The following ESRRG variants were observed in gnomAD, a reference collection of about 807,000 sequenced individuals.
ESRRG encodes estrogen related receptor gamma, also known as estrogen-related receptor gamma.
A neutral mutation model predicts 44.0 loss-of-function variants in ESRRG; 13 were observed. That is an observed-to-expected ratio of 0.30 (90% CI 0.19 to 0.47). The LOEUF (loss-of-function observed/expected upper bound fraction) is 0.47. Among genes scored for constraint, ESRRG ranks in the 20% least tolerant of loss-of-function variants. The pLI, the probability that ESRRG is intolerant of heterozygous loss-of-function variation, is 1.00. For synonymous variants in ESRRG, 215 were observed against 214.6 expected, an observed-to-expected ratio of 1.00 and a Z score of -0.02; for missense variants, 395 against 580.6, an observed-to-expected ratio of 0.68 and a Z score of 3.29.
At chr1:216,893,657 A>C (rs1179683581) in intron 2 of ESRRG, among the ~76,000 whole-genome samples, 1 of 152,148 alleles carries the variant, frequency 6.6e-6, no homozygotes, top group Admixed American at 6.6e-5. Flanking sequence ...AGAAATGTAT[A>C]AGATGTAAAC....
chr1:216,683,160 T>A (rs1403788740), intron 1 of ESRRG, among the ~76,000 whole-genome samples: 1 of 152,162 alleles, frequency 6.6e-6, no homozygotes, highest in African/African-American at 2.4e-5. Context: ...CTGGCTTAGT[T>A]GGGAAAAGAA....
intron 1 of ESRRG, among the ~76,000 whole-genome samples, chr1:217,023,477 G>A (rs903011617): frequency 4.6e-5 from 7 of 152,170 alleles, no homozygotes; most frequent in African/African-American, 1.7e-4. Flanking sequence ...TCAATGCAGG[G>A]GTAGAGCCTG....
chr1:217,012,373 C>A (rs2078750636), intron 1 of ESRRG, among the ~76,000 whole-genome samples: 1 of 152,108 alleles, frequency 6.6e-6, no homozygotes, highest in Non-Finnish European at 1.5e-5. Flanking sequence ...ATCACAGGGA[C>A]CCCAAACTCT....
intron 2 of ESRRG, among the ~76,000 whole-genome samples, chr1:216,898,318 T>C (rs2058659852): frequency 6.6e-6 from 1 of 152,080 alleles, no homozygotes; most frequent in South Asian, 2.1e-4. Flanking sequence ...CCGAGACTAC[T>C]ATAAGAAGTT....
intron 1 of ESRRG, among the ~76,000 whole-genome samples, chr1:216,991,289 A>G (rs530466670): frequency 1.1e-4 from 16 of 152,176 alleles, no homozygotes; most frequent in Non-Finnish European, 2.1e-4. Flanking sequence ...ATACTGTACC[A>G]TTGAAACCAA....
intron 1 of ESRRG, among the ~76,000 whole-genome samples, chr1:217,127,324 A>G (rs2092905933): frequency 6.6e-6 from 1 of 152,224 alleles, no homozygotes; most frequent in South Asian, 2.1e-4. Flanking sequence ...AGCAGTAACA[A>G]ACGTGATTAA....
In ESRRG at chr1:216,655,620, T is replaced by G. The variant is rs867803268; in HGVS notation, c.473-4531A>C. Among the ~76,000 whole-genome samples, 5 of 152,334 alleles carry G rather than the reference T, an allele frequency of 3.3e-5. 1 individual carries two copies. The highest frequency in any genetic ancestry group is 6.5e-5 in the Admixed American group (1 of 15,298). On this transcript the variant is annotated intron_variant, in intron 2 of 6. Coordinates refer to ENST00000408911, the MANE Select transcript of ESRRG (RefSeq NM_001438.4). ...AGCTGAAGTGTATAGAAATTGTTTC[T>G]GATAAACGGGGTCTCTTTCACAAAT...
At chr1:216,673,139 A>C (rs1559143519) in intron 2 of ESRRG, among the ~76,000 whole-genome samples, 1 of 152,116 alleles carries the variant, frequency 6.6e-6, no homozygotes, top group African/African-American at 2.4e-5. Context: ...GTTTGGCTGC[A>C]ATGCTGTCTG....
chr1:216,746,705 A>C (rs1207717395), intron 2 of ESRRG, among the ~76,000 whole-genome samples: 1 of 152,172 alleles, frequency 6.6e-6, no homozygotes, highest in East Asian at 1.9e-4. Flanking sequence ...TGTTTGATGA[A>C]ATAATAAACA....
At chr1:217,134,095 G>T (rs1389230482) in intron 1 of ESRRG, among the ~76,000 whole-genome samples, 1 of 152,132 alleles carries the variant, frequency 6.6e-6, no homozygotes, top group Admixed American at 6.5e-5. Flanking sequence ...CCAGATGCGG[G>T]CGCCCCGGGT....
chr1:216,674,386 C>T (rs990746898), intron 2 of ESRRG, among the ~76,000 whole-genome samples: 2 of 151,920 alleles, frequency 1.3e-5, no homozygotes, highest in Non-Finnish European at 2.9e-5. Flanking sequence ...AAATAAAAAT[C>T]CAGTAAATGA....
chr1:217,033,925 T>C (rs1270223115), intron 1 of ESRRG, among the ~76,000 whole-genome samples: 1 of 152,198 alleles, frequency 6.6e-6, no homozygotes, highest in Admixed American at 6.5e-5. Flanking sequence ...ATGCAGTTAC[T>C]AGGGAATGGC....
intron 2 of ESRRG, among the ~76,000 whole-genome samples, chr1:216,912,145 GAA>G (rs1560081184): frequency 3.7e-4 from 11 of 30,066 alleles, no homozygotes; most frequent in East Asian, 2.9e-3. Context: ...GAAAAGAAAA[GAA>G]AAGAAAAGAA....
chr1:216,903,073 GT>G (rs2059270700), intron 2 of ESRRG, among the ~76,000 whole-genome samples: 1 of 152,120 alleles, frequency 6.6e-6, no homozygotes, highest in African/African-American at 2.4e-5. Flanking sequence ...ACATGTGTTT[GT>G]TTTCATGTTT....
chr1:216,677,527 GGA>G (rs1559169682), intron 1 of ESRRG, 36 bp from the exon 2 acceptor site: 1 of 1,542,208 alleles, frequency 6.5e-7, no homozygotes, highest in Non-Finnish European at 8.8e-7. Context: ...GACAGAAAGA[GGA>G]GAGAGTGTCA....
At chr1:216,867,194 A>G (rs537027731) in intron 2 of ESRRG, among the ~76,000 whole-genome samples, 5 of 152,316 alleles carry the variant, frequency 3.3e-5, no homozygotes, top group East Asian at 1.9e-4. Flanking sequence ...ACAGAACAAA[A>G]TCACTTGTCC....
chr1:216,571,145 A>G (rs1437928345), intron 3 of ESRRG, among the ~76,000 whole-genome samples: 1 of 152,176 alleles, frequency 6.6e-6, no homozygotes, highest in African/African-American at 2.4e-5. Flanking sequence ...ATTACACATC[A>G]TGAAGAAAAA....
At chr1:216,536,419 G>A (rs946420683) in intron 5 of ESRRG, among the ~76,000 whole-genome samples, 2 of 152,096 alleles carry the variant, frequency 1.3e-5, no homozygotes, top group African/African-American at 4.8e-5. Context: ...TGACTTCTAT[G>A]TCTAATTTTT....
At chr1:216,597,892 A>T (rs1384637609) in intron 3 of ESRRG, among the ~76,000 whole-genome samples, 18 of 152,210 alleles carry the variant, frequency 1.2e-4, no homozygotes, top group Non-Finnish European at 2.4e-4. Flanking sequence ...CGTATTTTAG[A>T]AAGACCTTCA....
Sources: allele counts gnomAD v4.1 joint callset (sites outside exome capture counted in the v4.1 genomes callset), GRCh38; gene constraint gnomAD v4.1.1; transcripts MANE v1.5; gene names NCBI Gene and HGNC (gene_info 2026-07-23, HGNC 2026-07-21).